Variants in COG5 observed in about 807,000 individuals in gnomAD.
COG5 encodes component of oligomeric golgi complex 5.
COG5 carries 86 observed loss-of-function variants against 110.4 expected under a neutral mutation model. That is an observed-to-expected ratio of 0.78 (90% confidence interval 0.65 to 0.93). The LOEUF is 0.93. COG5 is among the 40% of genes least tolerant of loss of function. The pLI, the probability that COG5 is intolerant of heterozygous loss-of-function variation, is 0.00. For synonymous variants in COG5, 360 were observed against 334.6 expected (o/e 1.08, Z -0.83); for missense variants, 1,077 against 987.0 (o/e 1.09, Z -1.22).
At chr7:107,295,060 CACACACATATATATATATAT>C (rs1472305047) in intron 12 of COG5, among the ~76,000 whole-genome samples, 2 of 56,392 alleles carry the variant, frequency 3.5e-5, no homozygotes, top group African/African-American at 1.3e-4. Context: ...CACACACACA[CACACACATATATATATATAT>C]ATATATATAT....
intron 5 of COG5, 97 bp downstream of exon 5, chr7:107,548,014 A>G: frequency 1.0e-6 from 1 of 1,000,118 alleles, no homozygotes; most frequent in South Asian, 1.4e-5. Flanking sequence ...TTCTGTTCCC[A>G]TTCTCTTACT....
In COG5 at chr7:107,404,983, T is replaced by TA. The variant is rs745757743; in HGVS notation, c.669+7518dup. ...GATTAATCATCAAATGGAGACTTCC[T>TA]AAAAAAAAATTTATGCTATAAAAAT... On this transcript the variant is annotated intron_variant, in intron 7 of 21. Transcript: ENST00000297135. Among the ~76,000 whole-genome samples the TA allele has an allele frequency of 1.0e-3, 154 of 149,644 alleles. 1 individual carries two copies. Among genetic ancestry groups the TA allele is most frequent in the Non-Finnish European group, 2.1e-3 (138 of 67,292 alleles).
At chr7:107,243,511 C>CAAAAAAAA (rs759045963) in intron 17 of COG5, among the ~76,000 whole-genome samples, 1 of 78,556 alleles carries the variant, frequency 1.3e-5, no homozygotes, top group Non-Finnish European at 2.4e-5. Flanking sequence ...GACTCCATCT[C>CAAAAAAAA]AAAAAAAAAA....
chr7:107,430,139 T>A (rs1293087275), intron 6 of COG5, among the ~76,000 whole-genome samples: 1 of 152,220 alleles, frequency 6.6e-6, no homozygotes, highest in African/African-American at 2.4e-5. Flanking sequence ...CATTTCCTTT[T>A]GTCACTTGTG....
At chr7:107,234,370 G>C (rs1801003566) in intron 18 of COG5, among the ~76,000 whole-genome samples, 1 of 152,122 alleles carries the variant, frequency 6.6e-6, no homozygotes, top group South Asian at 2.1e-4. Context: ...CATGTCTTAA[G>C]AAAAAAGGAT....
rs191420052 is a variant in COG5, at chr7:107,402,968, C to T, written c.669+9534G>A. On this transcript the variant is annotated intron_variant, in intron 7 of 21. Transcript: ENST00000297135. ...GAAAGAAACAATAGCTCCTCCATAT[C>T]TAAACAGTCATTTAGTTTATAAATC... Among the ~76,000 whole-genome samples the T allele has an allele frequency of 3.3e-5, 5 of 152,192 alleles. No homozygotes were observed. The East Asian group carries it at 9.6e-4, about 29-fold the overall frequency.
At chr7:107,255,955 CAAGATATTATTTCT>C (rs1362944293) in intron 16 of COG5, among the ~76,000 whole-genome samples, 37 of 152,042 alleles carry the variant, frequency 2.4e-4, no homozygotes, top group African/African-American at 8.7e-4. Context: ...TGACCTTGAG[CAAGATATTATTTCT>C]AAGATATATA....
chr7:107,390,560 A>G (rs1473167370), intron 7 of COG5, among the ~76,000 whole-genome samples: 1 of 151,938 alleles, frequency 6.6e-6, no homozygotes, highest in Non-Finnish European at 1.5e-5. Flanking sequence ...TTTCATGACA[A>G]TTTAACAGCA....
At chr7:107,360,329 A>AC (rs1813002089) in intron 10 of COG5, among the ~76,000 whole-genome samples, 1 of 152,200 alleles carries the variant, frequency 6.6e-6, no homozygotes, top group Admixed American at 6.5e-5. Context: ...TGCCTTGCTC[A>AC]CCTTCCAGTT....
chr7:107,436,895 T>C (rs1794402894), intron 6 of COG5, among the ~76,000 whole-genome samples: 1 of 152,156 alleles, frequency 6.6e-6, no homozygotes, highest in South Asian at 2.1e-4. Context: ...TATGATGTAT[T>C]TATAAAGCAA....
rs189194193 is a variant in COG5, at chr7:107,365,171, C to G, written c.836-2751G>C. ...GCCATTACCAGTTAGCTTTAATAGA[C>G]TCAAGAAACAAAATAGTCTCTTAAG... On this transcript the variant is annotated intron_variant, in intron 8 of 21. Coordinates refer to ENST00000297135, the MANE Select transcript of COG5 (RefSeq NM_006348.5). Among the ~76,000 whole-genome samples, 29 of 152,062 alleles carry G rather than the reference C, an allele frequency of 1.9e-4. No individual in the cohort carries two copies. The East Asian group carries it at 5.0e-3, about 26-fold the overall frequency.
intron 6 of COG5, among the ~76,000 whole-genome samples, chr7:107,469,405 C>T (rs1796499639): frequency 6.6e-6 from 1 of 152,040 alleles, no homozygotes; most frequent in Non-Finnish European, 1.5e-5. Flanking sequence ...ATACCCGAGA[C>T]TAAGCTACTA....
At chr7:107,311,768 G>A (rs916490737) in intron 11 of COG5, among the ~76,000 whole-genome samples, 4 of 151,802 alleles carry the variant, frequency 2.6e-5, no homozygotes, top group African/African-American at 9.7e-5. Context: ...AGATACTAAT[G>A]CCTTACCTTT....
chr7:107,516,189 A>G (rs1480793360), intron 6 of COG5, among the ~76,000 whole-genome samples: 3 of 150,554 alleles, frequency 2.0e-5, no homozygotes, highest in East Asian at 1.9e-4. Context: ...TGACAATAAG[A>G]TAATAGTATA....
chr7:107,322,634 C>T (rs887901546), intron 11 of COG5, among the ~76,000 whole-genome samples: 1 of 152,040 alleles, frequency 6.6e-6, no homozygotes, highest in Non-Finnish European at 1.5e-5. Context: ...GATGGAAATG[C>T]AAAATGGTAT....
chr7:107,563,821 G>A lies in COG5; in HGVS notation c.76C>T (p.Arg26Trp), dbSNP rs1345987695. 1 of 1,613,816 alleles carries A rather than the reference G, an allele frequency of 6.2e-7. No individual in the cohort carries two copies. The highest frequency in any genetic ancestry group is 8.5e-7 in the Non-Finnish European group (1 of 1,179,914). The change falls in exon 1 of 22, where the codon CGG becomes TGG. Residue 26 changes from arginine to tryptophan, a missense_variant. Physicochemically the swap from Arg to Trp is moderately radical, Grantham distance 101. Transcript: ENST00000297135. The part of the protein sequence containing the change: ...RGSGAAAATV[R>W]ELLQDGCYSD... The stretch of plus-strand genomic sequence containing the variant: ...TCCTTACCGTCCTGCAGAAGTTCCC[G>A]GACTGTAGCTGCAGCCGCTCCAGAG...
At chr7:107,307,448 A>G (rs1400023072) in intron 11 of COG5, among the ~76,000 whole-genome samples, 1 of 152,182 alleles carries the variant, frequency 6.6e-6, no homozygotes, top group African/African-American at 2.4e-5. Flanking sequence ...GAATAGTATA[A>G]TGAACCTCTG....
At chr7:107,417,704 A>G (rs1322505670) in intron 6 of COG5, among the ~76,000 whole-genome samples, 1 of 152,150 alleles carries the variant, frequency 6.6e-6, no homozygotes, top group Non-Finnish European at 1.5e-5. Flanking sequence ...ATAGCACTGG[A>G]TATTACTACT....
intron 11 of COG5, among the ~76,000 whole-genome samples, chr7:107,314,582 CA>C (rs764317288): frequency 0.013 from 743 of 55,042 alleles, 4 homozygotes; most frequent in Non-Finnish European, 0.022. Context: ...ATCTCTACTA[CA>C]AAAAAAAAAA....
Sources: allele counts gnomAD v4.1 joint callset (sites outside exome capture counted in the v4.1 genomes callset), GRCh38; gene constraint gnomAD v4.1.1; transcripts MANE v1.5; gene names NCBI Gene and HGNC (gene_info 2026-07-23, HGNC 2026-07-21).